Variants in PRKN observed in about 807,000 individuals in gnomAD.
The protein encoded by PRKN is parkin RBR E3 ubiquitin protein ligase.
Under a neutral mutation model 59.5 loss-of-function variants are expected in PRKN, and 56 were observed. The ratio of observed to expected loss-of-function variants is 0.94; its 90% CI spans 0.76 to 1.18. The LOEUF is 1.18. Ranked by LOEUF, PRKN falls within the 50% of genes most tolerant of loss-of-function variation. The probability of loss-of-function intolerance (pLI) is 0.00; values close to 1 mark genes in which losing one functional copy is unlikely to be tolerated. For missense variants in PRKN, 657 were observed against 596.4 expected (o/e 1.10, Z -1.06); for synonymous variants, 250 against 222.1 (o/e 1.13, Z -1.12).
intron 1 of PRKN, among the ~76,000 whole-genome samples, chr6:162,497,260 T>C (rs1203555691): frequency 2.0e-5 from 3 of 152,300 alleles, no homozygotes; most frequent in East Asian, 3.9e-4. Flanking sequence ...TCAGTGAATA[T>C]TCAGTGAATT....
At chr6:162,287,189 T>C (rs191110330) in intron 2 of PRKN, among the ~76,000 whole-genome samples, 17 of 152,304 alleles carry the variant, frequency 1.1e-4, no homozygotes, top group Non-Finnish European at 1.9e-4. Context: ...GTGAGGCAGA[T>C]AGACAAGCTC....
intron 1 of PRKN, among the ~76,000 whole-genome samples, chr6:162,550,422 G>C (rs1427312734): frequency 6.6e-6 from 1 of 152,186 alleles, no homozygotes; most frequent in South Asian, 2.1e-4. Context: ...ATTGCTACAA[G>C]AGAACTCTAG....
chr6:162,499,910 C>CA (rs893620478), intron 1 of PRKN, among the ~76,000 whole-genome samples: 11 of 151,568 alleles, frequency 7.3e-5, no homozygotes, highest in East Asian at 1.9e-4. Flanking sequence ...AAAACCTTAC[C>CA]AAAAAAAAGG....
At chr6:161,573,755 AATATATATATATATATATATAT>A (rs1225362601) in intron 7 of PRKN, among the ~76,000 whole-genome samples, 310 of 30,338 alleles carry the variant, frequency 0.01, 25 homozygotes, top group African/African-American at 0.035. Flanking sequence ...AAAAAAAAAA[AATATATATATATATATATATAT>A]ATATATATAT....
At chr6:161,900,313 C>A (rs1287106839) in intron 6 of PRKN, among the ~76,000 whole-genome samples, 1 of 150,352 alleles carries the variant, frequency 6.7e-6, no homozygotes, top group Non-Finnish European at 1.5e-5. Flanking sequence ...CACTGAGAAG[C>A]AGCAGCAGCA....
At chr6:161,690,958 A>AATCCATCCATCCATCCATCC (rs35211075) in intron 7 of PRKN, among the ~76,000 whole-genome samples, 14 of 145,830 alleles carry the variant, frequency 9.6e-5, no homozygotes, top group Non-Finnish European at 1.7e-4. Context: ...TCGATTGAAC[A>AATCCATCCATCCATCCATCC]ATCCATCCAT....
intron 5 of PRKN, among the ~76,000 whole-genome samples, chr6:162,051,545 G>A (rs2128284751): frequency 6.6e-6 from 1 of 152,302 alleles, no homozygotes; most frequent in East Asian, 1.9e-4. Context: ...GCGAGCAGGA[G>A]CGTGGCCTTT....
intron 7 of PRKN, among the ~76,000 whole-genome samples, chr6:161,663,131 G>T (rs1784606805): frequency 1.3e-5 from 2 of 152,190 alleles, no homozygotes; most frequent in African/African-American, 2.4e-5. Context: ...TTTGCCTTCT[G>T]CCAGGAATGT....
chr6:161,782,888 C>T (rs1204561916), intron 7 of PRKN, among the ~76,000 whole-genome samples: 4 of 151,542 alleles, frequency 2.6e-5, no homozygotes, highest in Admixed American at 2.0e-4. Context: ...AGCAAGACTC[C>T]ATCTCAAAAA....
intron 7 of PRKN, among the ~76,000 whole-genome samples, chr6:161,727,804 G>A (rs940531551): frequency 2.2e-4 from 33 of 152,088 alleles, no homozygotes; most frequent in African/African-American, 7.5e-4. Context: ...CTTACAAAAA[G>A]GTTTTGCTTT....
At chr6:162,641,191 C>T (rs2803111) in intron 1 of PRKN, among the ~76,000 whole-genome samples, 93,172 of 151,948 alleles carry the variant, frequency 0.61, 29,309 homozygotes, top group African/African-American at 0.75. Flanking sequence ...TATCTTCATA[C>T]AGTTCTCACA....
chr6:162,591,631 C>T (rs898474367), intron 1 of PRKN, among the ~76,000 whole-genome samples: 3 of 151,576 alleles, frequency 2.0e-5, no homozygotes, highest in Non-Finnish European at 4.4e-5. Context: ...GCTTTTTTTT[C>T]CACAATCAAT....
In PRKN at chr6:161,654,311, G is replaced by C. The variant is rs73782962; in HGVS notation, c.872-84895C>G. Among the ~76,000 whole-genome samples the C allele has an allele frequency of 3.9e-5, 6 of 152,032 alleles. No individual in the cohort carries two copies. The South Asian group carries it at 1.2e-3, about 31-fold the overall frequency. On this transcript the variant is annotated intron_variant, in intron 7 of 11. Coordinates refer to ENST00000366898, the MANE Select transcript of PRKN (RefSeq NM_004562.3). ...TACATCATTTGGTTTATGCTTACCC[G>C]TGTGGCTACTGTGAAAGATATCAAA...
rs563488884 is a variant in PRKN at position 162,490,289 on chromosome 6, G to A, written c.8-46816C>T. 2.0e-5 allele frequency among the ~76,000 whole-genome samples: 3 copies of A among 152,142 alleles called. No homozygotes were observed. The East Asian group carries it at 5.8e-4, about 29-fold the overall frequency. On this transcript the variant is annotated intron_variant, in intron 1 of 11. Coordinates refer to ENST00000366898, the MANE Select transcript of PRKN (RefSeq NM_004562.3). ...GTCTACCCTTTTATGAAATATTTAA[G>A]CAAACATTTATTTACTTCTAAACCA...
At position 161,451,291 on chromosome 6, in the gene PRKN, A is replaced by G. The variant is rs115922613; in HGVS notation, c.1084-64414T>C. Among the ~76,000 whole-genome samples, 1,398 of 152,276 alleles carry G rather than the reference A, an allele frequency of 9.2e-3. 23 individuals carry two copies. The highest frequency in any genetic ancestry group is 0.033 in the African/African-American group (1,361 of 41,540). On this transcript the variant is annotated intron_variant, in intron 9 of 11. Transcript: ENST00000366898. The surrounding 1 kb of genome is among the most constrained non-coding windows in gnomAD (Gnocchi z 5.9). Reference sequence around the variant, plus strand: ...AGATAAAACACCTCCAGTTTCTTCAATGACTTCCACGAGAAGACCTCTCTG... The same window carrying G: ...AGATAAAACACCTCCAGTTTCTTCAGTGACTTCCACGAGAAGACCTCTCTG...
At chr6:162,690,946 A>T (rs1777750917) in intron 1 of PRKN, among the ~76,000 whole-genome samples, 1 of 152,168 alleles carries the variant, frequency 6.6e-6, no homozygotes, top group African/African-American at 2.4e-5. Context: ...ACTGAATGTT[A>T]TGCCTTCATG....
At chr6:161,636,666 G>A (rs767740362) in intron 7 of PRKN, among the ~76,000 whole-genome samples, 2 of 152,174 alleles carry the variant, frequency 1.3e-5, no homozygotes, top group Non-Finnish European at 2.9e-5. Flanking sequence ...GGCTGAGGCA[G>A]GATGATCGCT....
chr6:161,450,449 A>G (rs1789678607), intron 9 of PRKN, among the ~76,000 whole-genome samples: 1 of 152,270 alleles, frequency 6.6e-6, no homozygotes, highest in Non-Finnish European at 1.5e-5. Flanking sequence ...TTTGCAATAC[A>G]TAACAATCTG....
chr6:162,128,304 C>T (rs956058733), intron 4 of PRKN, among the ~76,000 whole-genome samples: 5 of 152,158 alleles, frequency 3.3e-5, no homozygotes, highest in African/African-American at 4.8e-5. Flanking sequence ...TAGTAAATCA[C>T]TAAAGGGGTT....
Sources: allele counts gnomAD v4.1 joint callset (sites outside exome capture counted in the v4.1 genomes callset), GRCh38; gene constraint gnomAD v4.1.1; non-coding constraint Gnocchi (gnomAD v3.1); transcripts MANE v1.5; gene names NCBI Gene and HGNC (gene_info 2026-07-23, HGNC 2026-07-21).